GRSF1: variants seen among roughly 807,000 people sequenced by gnomAD.
GRSF1 encodes the protein G-rich RNA sequence binding factor 1.
GRSF1 carries 50 observed loss-of-function variants against 51.1 expected under a neutral mutation model. The observed-to-expected ratio is 0.98, with a 90% CI of 0.78 to 1.24. The LOEUF (loss-of-function observed/expected upper bound fraction) is 1.24. GRSF1 is among the 50% of genes most tolerant of loss of function. The pLI is 0.00. For missense variants in GRSF1, 700 were observed against 639.7 expected (o/e 1.09, Z -1.02); for synonymous variants, 293 against 253.3 (o/e 1.16, Z -1.49).
chr4:70,821,673 CTTTT>C (rs377564579), intron 9 of GRSF1, among the ~76,000 whole-genome samples: 22 of 107,122 alleles, frequency 2.1e-4, no homozygotes, highest in Non-Finnish European at 3.9e-4. Flanking sequence ...TTTTTTGTTC[CTTTT>C]TTTTTTTTTT....
chr4:70,823,507 T>C (rs1733606263), intron 9 of GRSF1, among the ~76,000 whole-genome samples: 1 of 151,332 alleles, frequency 6.6e-6, no homozygotes. Flanking sequence ...CCCCCACATC[T>C]GAGAAGCCAG....
chr4:70,828,133 C>T, intron 5 of GRSF1, 97 bp from the exon 6 acceptor site: 1 of 841,640 alleles, frequency 1.2e-6, no homozygotes, highest in Non-Finnish European at 1.9e-6. Flanking sequence ...TTTCCAACAG[C>T]TTATGAAACA....
rs1471875071 is a variant in GRSF1 at position 70,838,960 on chromosome 4, G to T, written c.357+511C>A. 4 of 378,764 alleles carry T rather than the reference G, an allele frequency of 1.1e-5. No homozygotes were observed. The East Asian group carries it at 3.0e-4, about 28-fold the overall frequency. 23.5% of individuals were successfully genotyped at this position (378,764 alleles called of 1,614,324 possible). On this transcript the variant is annotated intron_variant, in intron 1 of 9. Coordinates refer to ENST00000254799, the MANE Select transcript of GRSF1 (RefSeq NM_002092.4). ...ACAGGAGAGGGAACGGCGCGATGGG[G>T]ACAGGCTCCTTCCCTACAAGCCAGC...
intron 6 of GRSF1, among the ~76,000 whole-genome samples, chr4:70,827,235 C>G (rs2148838953): frequency 6.6e-6 from 1 of 151,844 alleles, no homozygotes; most frequent in East Asian, 2.0e-4. Context: ...CTGCAGTGAG[C>G]CGAGAGTGCG....
At chr4:70,822,979 C>T (rs1011688955) in intron 9 of GRSF1, among the ~76,000 whole-genome samples, 1 of 152,168 alleles carries the variant, frequency 6.6e-6, no homozygotes, top group African/African-American at 2.4e-5. Flanking sequence ...CACCTGCAGT[C>T]CCAGCTACTC....
chr4:70,833,363 A>G, intron 2 of GRSF1, 90 bp from the exon 3 acceptor site: 1 of 1,105,044 alleles, frequency 9.0e-7, no homozygotes, highest in Non-Finnish European at 1.3e-6. Context: ...TTCCAACAAC[A>G]AAGCAGGAAA....
upstream of GRSF1, chr4:70,840,064 G>GCCCGGGGAAGTGGGTGCAATCGAA: frequency 9.6e-6 from 4 of 416,528 alleles, no homozygotes; most frequent in Non-Finnish European, 1.7e-5. Flanking sequence ...TTTGGGCGGG[G>GCCCGGGGAAGTGGGTGCAATCGAA]CTGCCCATGG....
intron 2 of GRSF1, among the ~76,000 whole-genome samples, chr4:70,834,325 T>C (rs1734106994): frequency 6.6e-6 from 1 of 152,084 alleles, no homozygotes; most frequent in Non-Finnish European, 1.5e-5. Flanking sequence ...CACAGATATG[T>C]AAACCCTCCA....
chr4:70,821,490 C>T (rs1733497778), intron 9 of GRSF1, among the ~76,000 whole-genome samples: 1 of 151,656 alleles, frequency 6.6e-6, no homozygotes, highest in South Asian at 2.1e-4. Context: ...CCTGTAGCCC[C>T]AGCTACTTCA....
chr4:70,828,790 T>C (rs948608661), intron 5 of GRSF1, among the ~76,000 whole-genome samples: 2 of 146,456 alleles, frequency 1.4e-5, no homozygotes, highest in Admixed American at 7.2e-5. Context: ...CAGGCTGGAG[T>C]GCAATGGCAC....
upstream of GRSF1, among the ~76,000 whole-genome samples, chr4:70,840,930 G>A (rs1158233998): frequency 3.3e-5 from 5 of 152,116 alleles, no homozygotes; most frequent in Admixed American, 6.6e-5. Context: ...TAAAAAAATC[G>A]TTGGGATAAT....
In GRSF1 at chr4:70,817,561, GAATTAA is replaced by G. The variant is rs757050324; in HGVS notation, c.*3320_*3325del. 3 of 152,286 alleles carry G rather than the reference GAATTAA, an allele frequency of 2.0e-5. No individual in the cohort carries two copies. The highest frequency in any genetic ancestry group is 3.9e-4 in the East Asian group (2 of 5,190). 9.4% of individuals were successfully genotyped at this position (152,286 alleles called of 1,614,324 possible). On this transcript the variant is annotated 3_prime_UTR_variant, in exon 10 of 10. Coordinates refer to ENST00000254799, the MANE Select transcript of GRSF1 (RefSeq NM_002092.4). Reference sequence around the variant, plus strand: ...GTGCTCCACATCACTATGGGATTGGGAATTAAAACGATGAGACCACTATTCACCCAT... The same window carrying G: ...GTGCTCCACATCACTATGGGATTGGGAACGATGAGACCACTATTCACCCAT...
intron 2 of GRSF1, among the ~76,000 whole-genome samples, chr4:70,834,652 C>T (rs1489685324): frequency 1.3e-5 from 2 of 152,172 alleles, no homozygotes; most frequent in Non-Finnish European, 2.9e-5. Context: ...GACAGAGTCT[C>T]TCTCTGTCAC....
chr4:70,824,427 C>T, intron 8 of GRSF1, 59 bp from the exon 9 acceptor site: 1 of 866,144 alleles, frequency 1.2e-6, no homozygotes, highest in East Asian at 2.7e-5. Flanking sequence ...AATATTACAG[C>T]CATTTTTCTC....
chr4:70,836,373 A>G, intron 1 of GRSF1, 59 bp from the exon 2 acceptor site: 1 of 1,257,488 alleles, frequency 8.0e-7, no homozygotes, highest in Non-Finnish European at 1.1e-6. Context: ...AAAATGTAAA[A>G]AAATTCTTAG....
rs755884301 is a variant in GRSF1, at chr4:70,836,245, C to A, written c.427G>T (p.Glu143Ter). The A allele has an allele frequency of 6.2e-7, 1 of 1,610,446 alleles. No individual in the cohort carries two copies. The highest frequency in any genetic ancestry group is 8.5e-7 in the Non-Finnish European group (1 of 1,178,496). Residue 143 changes from glutamate to a stop codon, truncating the protein, a stop_gained, in exon 2 of 10, where the codon GAA (glutamate) becomes TAA (stop). Coordinates refer to ENST00000254799, the MANE Select transcript of GRSF1 (RefSeq NM_002092.4). LOFTEE classifies it high-confidence loss of function. ...PEYELAPSKL[E>*]EEVDDVFLIR... ...AGAAAGACATCATCCACTTCCTCTT[C>A]TAACTTGGACGGGGCCAATTCATAC...
Position 70,817,807 on chromosome 4 carries a change from C to T in GRSF1, c.*3080G>A, listed in dbSNP as rs1481133988. On this transcript the variant is annotated 3_prime_UTR_variant, in exon 10 of 10. Coordinates refer to ENST00000254799, the MANE Select transcript of GRSF1 (RefSeq NM_002092.4). ...AAACGAGTCTACACAAAAACCTGCACATAAATGTTTATAGCAGCTTTATTC... is the reference window on the plus strand; with the variant it reads ...AAACGAGTCTACACAAAAACCTGCATATAAATGTTTATAGCAGCTTTATTC... The T allele has an allele frequency of 6.6e-6, 1 of 152,222 alleles. No individual in the cohort carries two copies. Among genetic ancestry groups the T allele is most frequent in the African/African-American group, 2.4e-5 (1 of 41,454 alleles). The allele number at this position is 152,222 out of a possible 1,614,324, so 9.4% of individuals were successfully genotyped here. A position where few individuals can be genotyped will look rare whatever the true frequency, so the allele number is the denominator to read the frequency against.
At chr4:70,837,779 G>A (rs1040489053) in intron 1 of GRSF1, among the ~76,000 whole-genome samples, 3 of 150,604 alleles carry the variant, frequency 2.0e-5, no homozygotes, top group African/African-American at 4.9e-5. Flanking sequence ...GGGATTACAG[G>A]CGCCCGCCAC....
At chr4:70,829,644 CTCTG>C (rs1321114686) in intron 5 of GRSF1, among the ~76,000 whole-genome samples, 1 of 152,008 alleles carries the variant, frequency 6.6e-6, no homozygotes, top group African/African-American at 2.4e-5. Context: ...CAGAATAAGA[CTCTG>C]TCTAAAATTA....
Sources: gnomAD v4.1 joint callset for allele counts (sites outside exome capture counted in the v4.1 genomes callset) on GRCh38, gnomAD v4.1.1 for gene constraint, MANE v1.5 for transcripts, NCBI Gene and HGNC (gene_info 2026-07-23, HGNC 2026-07-21) for gene names.